EML5: variants seen among roughly 807,000 people sequenced by gnomAD.
EML5 encodes the protein EMAP like 5.
In EML5, 120 loss-of-function variants were observed where a neutral mutation model predicts 250.0. That is an observed-to-expected ratio of 0.48 (90% CI 0.41 to 0.56). The LOEUF (loss-of-function observed/expected upper bound fraction) is 0.56, where lower values mean the gene tolerates loss of function less well. EML5 is among the 20% of genes least tolerant of loss of function. EML5 has a pLI of 0.00. For synonymous variants in EML5, 771 were observed against 806.5 expected, an observed-to-expected ratio of 0.96 and a Z score of 0.75; for missense variants, 2,006 against 2,437.6, an observed-to-expected ratio of 0.82 and a Z score of 3.73.
intron 9 of EML5, 32 bp from the exon 10 acceptor site, chr14:88,712,515 G>A: frequency 6.4e-7 from 1 of 1,551,452 alleles, no homozygotes; most frequent in Non-Finnish European, 8.8e-7. Flanking sequence ...AATTTAAAAA[G>A]TTATTTCATT....
intron 21 of EML5, among the ~76,000 whole-genome samples, chr14:88,678,793 T>G (rs953101178): frequency 1.1e-4 from 16 of 152,320 alleles, no homozygotes; most frequent in South Asian, 2.1e-4. Context: ...TATTCTAGCT[T>G]GAAGACTTTT....
chr14:88,761,813 A>G (rs6575019), intron 1 of EML5, among the ~76,000 whole-genome samples: 60,858 of 151,968 alleles, frequency 0.4, 14,724 homozygotes, highest in African/African-American at 0.66. Flanking sequence ...ACTCCCACCA[A>G]TGTAAAAGTG....
At chr14:88,765,230 G>C (rs181708478) in intron 1 of EML5, among the ~76,000 whole-genome samples, 1 of 152,304 alleles carries the variant, frequency 6.6e-6, no homozygotes, top group Non-Finnish European at 1.5e-5. Context: ...TGTGCATACA[G>C]TCTCACAAGG....
chr14:88,691,534 G>C (rs1174673666), intron 17 of EML5, among the ~76,000 whole-genome samples: 7 of 152,022 alleles, frequency 4.6e-5, no homozygotes, highest in Admixed American at 1.3e-4. Flanking sequence ...CATTATTATT[G>C]CATCAAAAAC....
chr14:88,669,933 C>T (rs866066897), intron 21 of EML5, among the ~76,000 whole-genome samples: 4 of 152,078 alleles, frequency 2.6e-5, no homozygotes, highest in African/African-American at 9.7e-5. Flanking sequence ...CTGGTGATAC[C>T]TCGAGGTGTG....
chr14:88,702,341 C>T, intron 14 of EML5, 105 bp downstream of exon 14: 1 of 838,392 alleles, frequency 1.2e-6, no homozygotes, highest in Non-Finnish European at 1.6e-6. Flanking sequence ...CTAAAGAATT[C>T]TTTACTCTTC....
intron 6 of EML5, among the ~76,000 whole-genome samples, chr14:88,737,525 G>A (rs1400105115): frequency 1.3e-5 from 2 of 152,220 alleles, no homozygotes; most frequent in Non-Finnish European, 2.9e-5. Flanking sequence ...GGGGCATTGC[G>A]CCCGCCATGG....
At chr14:88,764,095 G>A (rs1274631924) in intron 1 of EML5, among the ~76,000 whole-genome samples, 1 of 152,132 alleles carries the variant, frequency 6.6e-6, no homozygotes, top group Non-Finnish European at 1.5e-5. Flanking sequence ...ATCCTACCTG[G>A]AATGAAACCT....
intron 19 of EML5, among the ~76,000 whole-genome samples, chr14:88,686,319 G>A (rs551679349): frequency 1.3e-5 from 2 of 152,104 alleles, no homozygotes; most frequent in South Asian, 2.1e-4. Context: ...GAGTTAACGG[G>A]TGCAGCACAC....
At chr14:88,748,153 C>A (rs2094036134) in intron 2 of EML5, among the ~76,000 whole-genome samples, 1 of 151,980 alleles carries the variant, frequency 6.6e-6, no homozygotes, top group Non-Finnish European at 1.5e-5. Flanking sequence ...CTAGAATTTG[C>A]AGAGCAGGAA....
chr14:88,750,765 G>C (rs2094081089), intron 2 of EML5, among the ~76,000 whole-genome samples: 1 of 152,118 alleles, frequency 6.6e-6, no homozygotes, highest in Non-Finnish European at 1.5e-5. Context: ...AAAGCCCAGA[G>C]AACAAGAGGA....
chr14:88,648,937 C>A (rs968497204), intron 28 of EML5, among the ~76,000 whole-genome samples: 1 of 152,138 alleles, frequency 6.6e-6, no homozygotes, highest in Non-Finnish European at 1.5e-5. Context: ...ATAATATTAA[C>A]AGGTGCCTAT....
At chr14:88,768,998 C>A (rs2094356498) in intron 1 of EML5, among the ~76,000 whole-genome samples, 1 of 152,106 alleles carries the variant, frequency 6.6e-6, no homozygotes, top group Non-Finnish European at 1.5e-5. Context: ...CCATTGGGAG[C>A]AATATCATCT....
intron 7 of EML5, among the ~76,000 whole-genome samples, chr14:88,729,262 ATAAC>A (rs1335758161): frequency 6.6e-6 from 1 of 152,184 alleles, no homozygotes; most frequent in Non-Finnish European, 1.5e-5. Flanking sequence ...TGAAAATAGC[ATAAC>A]TGTCTTTTTT....
intron 36 of EML5, chr14:88,623,438 T>C (rs1221738852): frequency 6.6e-6 from 1 of 152,146 alleles, no homozygotes; most frequent in Non-Finnish European, 1.5e-5. Flanking sequence ...TTTATTTTTT[T>C]GAGACAGAGT....
chr14:88,785,234 CAA>C (rs1182933472), intron 1 of EML5, among the ~76,000 whole-genome samples: 1 of 151,642 alleles, frequency 6.6e-6, no homozygotes, highest in Non-Finnish European at 1.5e-5. Context: ...TTAATGGGTA[CAA>C]AAAAAGAGTT....
chr14:88,722,767 T>TA (rs918835758), intron 8 of EML5, among the ~76,000 whole-genome samples: 45 of 151,714 alleles, frequency 3.0e-4, no homozygotes, highest in African/African-American at 1.1e-3. Context: ...TGATTTTTCA[T>TA]AAAAAAAAAT....
rs375417162 is a variant in EML5 at position 88,768,536 on chromosome 14, G to A, written c.198-13865C>T. Among the ~76,000 whole-genome samples the A allele has an allele frequency of 1.4e-4, 21 of 151,954 alleles. 1 individual carries two copies. Among genetic ancestry groups the A allele is most frequent in the South Asian group, 1.0e-3 (5 of 4,794 alleles). On this transcript the variant is annotated intron_variant, in intron 1 of 43. Coordinates refer to ENST00000554922, the MANE Select transcript of EML5 (RefSeq NM_183387.3). ...AGTGATTCTCCTGCCTCAGCCTCCT[G>A]AGTAGCTGGAATTACAGGTGCCCGC... is the stretch of plus-strand genomic sequence containing the variant.
chr14:88,723,308 G>A (rs924727304), intron 8 of EML5, among the ~76,000 whole-genome samples: 4 of 152,074 alleles, frequency 2.6e-5, no homozygotes, highest in African/African-American at 4.8e-5. Context: ...GCTACCACAC[G>A]GATGAACCTG....
Sources: gnomAD v4.1 joint callset for allele counts (sites outside exome capture counted in the v4.1 genomes callset) on GRCh38, gnomAD v4.1.1 for gene constraint, MANE v1.5 for transcripts, NCBI Gene and HGNC (gene_info 2026-07-23, HGNC 2026-07-21) for gene names.